TRAF2: variants seen among roughly 807,000 people sequenced by gnomAD.
TRAF2 encodes the protein TNF receptor associated factor 2.
A neutral mutation model predicts 55.6 loss-of-function variants in TRAF2; 6 were observed. That is an observed-to-expected ratio of 0.11 (90% CI 0.06 to 0.21). TRAF2 has a LOEUF of 0.21. Among genes scored for constraint, TRAF2 ranks in the 10% least tolerant of loss-of-function variants. TRAF2 has a pLI of 1.00. For synonymous variants in TRAF2, 329 were observed against 276.3 expected, an observed-to-expected ratio of 1.19 and a Z score of -1.89; for missense variants, 561 against 684.5, an observed-to-expected ratio of 0.82 and a Z score of 2.01.
intron 9 of TRAF2, among the ~76,000 whole-genome samples, chr9:136,922,062 T>C (rs1850399806): frequency 6.6e-6 from 1 of 152,194 alleles, no homozygotes; most frequent in South Asian, 2.1e-4. Flanking sequence ...CCTTTCCTGT[T>C]TGAATTTAGC....
intron 4 of TRAF2, among the ~76,000 whole-genome samples, chr9:136,905,178 A>G (rs1486499683): frequency 6.6e-6 from 1 of 151,244 alleles, no homozygotes; most frequent in East Asian, 1.9e-4. Context: ...GCTGACCCCC[A>G]CTCCCCACCC....
intron 1 of TRAF2, among the ~76,000 whole-genome samples, chr9:136,887,715 T>C (rs1849485858): frequency 6.6e-6 from 1 of 152,208 alleles, no homozygotes; most frequent in Non-Finnish European, 1.5e-5. Flanking sequence ...AATGTATTAA[T>C]GGGTGGACAC....
At chr9:136,918,661 AAGG>A (rs1376415796) in intron 7 of TRAF2, among the ~76,000 whole-genome samples, 2 of 152,174 alleles carry the variant, frequency 1.3e-5, no homozygotes, top group African/African-American at 4.8e-5. Context: ...AGGTATGTTT[AAGG>A]AGGCCTAGCT....
chr9:136,898,044 G>A (rs966091017), intron 1 of TRAF2, among the ~76,000 whole-genome samples: 25 of 144,202 alleles, frequency 1.7e-4, no homozygotes, highest in African/African-American at 6.0e-4. Flanking sequence ...GGCTGGAGGG[G>A]AACCCGTGGT....
intron 1 of TRAF2, chr9:136,886,801 C>T (rs1361179069): frequency 5.7e-6 from 1 of 175,184 alleles, no homozygotes; most frequent in Admixed American, 6.5e-5. Flanking sequence ...CGGAGCAGCG[C>T]CAGGGCACGG....
chr9:136,914,392 G>C (rs977225363), intron 6 of TRAF2, among the ~76,000 whole-genome samples: 1 of 152,172 alleles, frequency 6.6e-6, no homozygotes, highest in Non-Finnish European at 1.5e-5. Context: ...GGAAATTTCT[G>C]AGCCTGGACA....
chr9:136,895,486 C>T (rs1849661123), intron 1 of TRAF2, among the ~76,000 whole-genome samples: 1 of 152,224 alleles, frequency 6.6e-6, no homozygotes, highest in African/African-American at 2.4e-5. Flanking sequence ...CATCTTGGGG[C>T]TGTCGTCCAG....
In TRAF2 at chr9:136,886,531, G is replaced by A; in HGVS notation, c.-39G>A. 1.0e-6 allele frequency: 1 copy of A among 988,158 alleles called. No individual in the cohort carries two copies. Among genetic ancestry groups the A allele is most frequent in the Non-Finnish European group, 1.2e-6 (1 of 831,748 alleles). 61.2% of individuals were successfully genotyped at this position (988,158 alleles called of 1,614,324 possible). ...GCGGGCCCTTAGTTCCGGGCGCGCTGCGACCGTTGGGTGAGGCGAGCGCGG... is the reference window on the plus strand; with the variant it reads ...GCGGGCCCTTAGTTCCGGGCGCGCTACGACCGTTGGGTGAGGCGAGCGCGG... On this transcript the variant is annotated 5_prime_UTR_variant, in exon 1 of 11. Transcript: ENST00000247668.
intron 5 of TRAF2, among the ~76,000 whole-genome samples, chr9:136,909,572 C>G (rs1462329962): frequency 3.9e-5 from 6 of 152,222 alleles, no homozygotes; most frequent in Admixed American, 3.9e-4. Context: ...TGCCGCCAGC[C>G]CTGCCCATCC....
chr9:136,917,911 C>T (rs1850279231), intron 7 of TRAF2, among the ~76,000 whole-genome samples: 1 of 152,078 alleles, frequency 6.6e-6, no homozygotes, highest in African/African-American at 2.4e-5. Context: ...CCACCGTGCT[C>T]CTTGTTTCTG....
intron 6 of TRAF2, among the ~76,000 whole-genome samples, chr9:136,912,152 CTTTTTTTTTTTTT>C (rs1180324647): frequency 5.1e-5 from 3 of 58,302 alleles, no homozygotes; most frequent in African/African-American, 7.6e-5. Context: ...GCGTCTGGCC[CTTTTTTTTTTTTT>C]TTTTTTTTTT....
chr9:136,915,350 C>T (rs1353884567), intron 6 of TRAF2, among the ~76,000 whole-genome samples: 3 of 152,042 alleles, frequency 2.0e-5, no homozygotes, highest in Non-Finnish European at 2.9e-5. Context: ...CACCGTCTCC[C>T]GAGACTTGCC....
chr9:136,920,542 T>C (rs1588443914), intron 8 of TRAF2, 27 bp downstream of exon 8: 1 of 1,592,194 alleles, frequency 6.3e-7, no homozygotes, highest in Non-Finnish European at 8.6e-7. Context: ...TGGCCAGCCA[T>C]GAGGAGGACA....
At chr9:136,919,338 G>T (rs1588442937) in intron 7 of TRAF2, among the ~76,000 whole-genome samples, 3 of 102,968 alleles carry the variant, frequency 2.9e-5, no homozygotes, top group African/African-American at 7.9e-5. Context: ...CGCTCTTGTT[G>T]CCCAGACTAG....
intron 1 of TRAF2, among the ~76,000 whole-genome samples, chr9:136,889,984 CGT>C (rs1564403194): frequency 3.6e-5 from 2 of 56,244 alleles, no homozygotes; most frequent in African/African-American, 8.1e-5. Context: ...CCGGTCACCG[CGT>C]GTGTGAGAGT....
chr9:136,898,499 A>C (rs1299763303), intron 1 of TRAF2: 3 of 845,380 alleles, frequency 3.5e-6, no homozygotes, highest in Non-Finnish European at 4.3e-6. Flanking sequence ...CCCCAGCCTC[A>C]CTGAGCCTGA....
chr9:136,898,932 C>T lies in TRAF2; in HGVS notation c.188+4C>T, dbSNP rs936600923. On this transcript the variant is annotated splice_donor_region_variant and intron_variant, in intron 2 of 10. Transcript: ENST00000247668. ...TCTGCCTGGCCAGCATCCTCAGGTGCATGGGGCCTGCAGGCTGGGAGGAGG... is the reference window on the plus strand; with the variant it reads ...TCTGCCTGGCCAGCATCCTCAGGTGTATGGGGCCTGCAGGCTGGGAGGAGG... 8 of 1,600,668 alleles carry T rather than the reference C, an allele frequency of 5.0e-6. No homozygotes were observed. Among genetic ancestry groups the T allele is most frequent in the African/African-American group, 1.3e-5 (1 of 74,694 alleles).
chr9:136,888,222 C>T (rs1037599364), intron 1 of TRAF2, among the ~76,000 whole-genome samples: 4 of 152,168 alleles, frequency 2.6e-5, no homozygotes, highest in Non-Finnish European at 4.4e-5. Flanking sequence ...GCCTCATATT[C>T]ATGGCTGCAT....
intron 9 of TRAF2, among the ~76,000 whole-genome samples, chr9:136,923,597 T>C (rs192447793): frequency 2.3e-3 from 237 of 104,804 alleles, no homozygotes; most frequent in African/African-American, 8.0e-3. Context: ...GCAACAAGAG[T>C]GAGACTCCAT....
Sources: gnomAD v4.1 joint callset for allele counts (sites outside exome capture counted in the v4.1 genomes callset) on GRCh38, gnomAD v4.1.1 for gene constraint, MANE v1.5 for transcripts, NCBI Gene and HGNC (gene_info 2026-07-23, HGNC 2026-07-21) for gene names.